Variants in ATP10B observed in about 807,000 individuals in gnomAD.
ATP10B encodes phospholipid-transporting ATPase VB.
A neutral mutation model predicts 141.2 loss-of-function variants in ATP10B; 122 were observed. The ratio of observed to expected loss-of-function variants is 0.86; its 90% CI spans 0.75 to 1.00. The LOEUF (loss-of-function observed/expected upper bound fraction) is 1.00, where lower values mean the gene tolerates loss of function less well. Among genes scored for constraint, ATP10B ranks in the 50% least tolerant of loss-of-function variants. The pLI, the probability that ATP10B is intolerant of heterozygous loss-of-function variation, is 0.00. For synonymous variants in ATP10B, 685 were observed against 692.0 expected (o/e 0.99, Z 0.16); for missense variants, 1,876 against 1,825.3 (o/e 1.03, Z -0.51).
intron 1 of ATP10B, among the ~76,000 whole-genome samples, chr5:160,814,948 C>T (rs1773490241): frequency 6.6e-6 from 1 of 152,118 alleles, no homozygotes; most frequent in Admixed American, 6.5e-5. Flanking sequence ...GAGATTTTGT[C>T]ACCGCCAGGC....
intron 2 of ATP10B, among the ~76,000 whole-genome samples, chr5:160,727,716 C>A (rs1766455857): frequency 6.6e-6 from 1 of 152,044 alleles, no homozygotes; most frequent in Non-Finnish European, 1.5e-5. Flanking sequence ...TAAAAAAAAT[C>A]TCAGGATCCC....
At chr5:160,789,841 G>A (rs1385955633) in intron 1 of ATP10B, among the ~76,000 whole-genome samples, 1 of 152,068 alleles carries the variant, frequency 6.6e-6, no homozygotes, top group Non-Finnish European at 1.5e-5. Flanking sequence ...TTGGGGATGG[G>A]GAACCAAAGG....
At chr5:160,804,339 G>T (rs1020580249) in intron 1 of ATP10B, among the ~76,000 whole-genome samples, 1 of 152,150 alleles carries the variant, frequency 6.6e-6, no homozygotes. Context: ...GTACTGTTTT[G>T]TTCATCATTT....
intron 1 of ATP10B, among the ~76,000 whole-genome samples, chr5:160,792,028 C>T (rs976246088): frequency 5.9e-5 from 9 of 152,106 alleles, no homozygotes; most frequent in African/African-American, 9.7e-5. Context: ...TTCCAGTCTA[C>T]CTTAGTCCTA....
At chr5:160,907,187 A>C in the ATP10B span, among the ~76,000 whole-genome samples, 1 of 152,104 alleles carries the variant, frequency 6.6e-6, no homozygotes, top group Non-Finnish European at 1.5e-5. Flanking sequence ...TTCGGCCTTC[A>C]TGCAGGTTCA....
At chr5:160,914,166 G>T in the ATP10B span, among the ~76,000 whole-genome samples, 1 of 152,078 alleles carries the variant, frequency 6.6e-6, no homozygotes, top group East Asian at 1.9e-4. Flanking sequence ...AATTGAACAG[G>T]TTTTTTTATG....
chr5:160,567,832 C>A (rs1754635349), intron 25 of ATP10B, among the ~76,000 whole-genome samples: 1 of 151,988 alleles, frequency 6.6e-6, no homozygotes, highest in African/African-American at 2.4e-5. Context: ...ACACTTTGAG[C>A]CAATGATAAT....
the ATP10B span, among the ~76,000 whole-genome samples, chr5:160,923,149 C>T: frequency 2.6e-5 from 4 of 152,214 alleles, no homozygotes. Context: ...GATCGGAAGG[C>T]TGGCAAGCAA....
chr5:160,847,823 C>T (rs953454643), intron 1 of ATP10B, among the ~76,000 whole-genome samples: 3 of 152,132 alleles, frequency 2.0e-5, no homozygotes, highest in African/African-American at 7.2e-5. Context: ...CTCATGGAAA[C>T]CATTGTCCTC....
chr5:160,668,873 A>G (rs80236135), intron 7 of ATP10B, among the ~76,000 whole-genome samples: 2,092 of 152,346 alleles, frequency 0.014, 47 homozygotes, highest in African/African-American at 0.048. Flanking sequence ...TCAATCACAC[A>G]AAAAGGGTTT....
In ATP10B at chr5:160,722,571, G is replaced by T. The variant is rs77224823; in HGVS notation, c.-330-5537C>A. ...TCAAAACACAGGGAAAAAGATTCAG[G>T]GATTAAAAAAAAAATAAGGCACAGA... is the stretch of plus-strand genomic sequence containing the variant. On this transcript the variant is annotated intron_variant, in intron 2 of 25. Transcript: ENST00000327245. 2.6e-5 allele frequency among the ~76,000 whole-genome samples: 4 copies of T among 151,696 alleles called. No individual in the cohort carries two copies. The East Asian group carries it at 7.7e-4, about 29-fold the overall frequency.
At chr5:160,792,680 C>G (rs1771666229) in intron 1 of ATP10B, among the ~76,000 whole-genome samples, 1 of 152,164 alleles carries the variant, frequency 6.6e-6, no homozygotes, top group African/African-American at 2.4e-5. Flanking sequence ...TCTACTTGCC[C>G]TAGATTGCCT....
chr5:160,660,305 C>T (rs575197124), intron 7 of ATP10B, among the ~76,000 whole-genome samples: 3 of 152,212 alleles, frequency 2.0e-5, no homozygotes, highest in African/African-American at 7.2e-5. Flanking sequence ...TACCAAAGAC[C>T]ACTAACGTTA....
Position 160,845,645 on chromosome 5 carries a change from T to C in ATP10B, c.-576+6296A>G, listed in dbSNP as rs182489967. Among the ~76,000 whole-genome samples, 223 of 152,306 alleles carry C rather than the reference T, an allele frequency of 1.5e-3. 1 individual carries two copies. Among genetic ancestry groups the C allele is most frequent in the Non-Finnish European group, 1.6e-3 (106 of 68,022 alleles). ...ACAACAAAATGTAAGAAATCACACCTGAAAGCGTAGAGCCCCCTGTGATAC... is the reference window on the plus strand; with the variant it reads ...ACAACAAAATGTAAGAAATCACACCCGAAAGCGTAGAGCCCCCTGTGATAC... On this transcript the variant is annotated intron_variant, in intron 1 of 25. Transcript: ENST00000327245.
At chr5:160,870,697 A>G in the ATP10B span, among the ~76,000 whole-genome samples, 6 of 152,198 alleles carry the variant, frequency 3.9e-5, no homozygotes, top group East Asian at 1.2e-3. Context: ...AATGTCAGAC[A>G]CAAAGCCAGA....
the ATP10B span, among the ~76,000 whole-genome samples, chr5:160,896,634 AT>A: frequency 6.6e-6 from 1 of 151,930 alleles, no homozygotes; most frequent in Non-Finnish European, 1.5e-5. Context: ...AGCTGGTACC[AT>A]TTTTTTTCTG....
intron 1 of ATP10B, among the ~76,000 whole-genome samples, chr5:160,797,827 A>G (rs535538144): frequency 6.6e-6 from 1 of 151,994 alleles, no homozygotes; most frequent in Non-Finnish European, 1.5e-5. Context: ...ATGGTGACAC[A>G]TGCCTGTCAT....
At chr5:160,685,319 TAA>T in intron 6 of ATP10B, 1 of 578,076 alleles carries the variant, frequency 1.7e-6, no homozygotes, top group Non-Finnish European at 3.0e-6. Flanking sequence ...AGAAGGATAC[TAA>T]AAATGAAAAG....
At position 160,577,130 on chromosome 5, in the gene ATP10B, G is replaced by A. The variant is rs116268267; in HGVS notation, c.3751-7447C>T. Among the ~76,000 whole-genome samples the A allele has an allele frequency of 4.4e-3, 665 of 152,314 alleles. 4 individuals are homozygous for A. Among genetic ancestry groups the A allele is most frequent in the African/African-American group, 0.014 (568 of 41,570 alleles). On this transcript the variant is annotated intron_variant, in intron 24 of 25. Transcript: ENST00000327245. ...TACATTTTCAACTGCAAGTGACAGT[G>A]TGCCTGACAGCAGCTTAATCAAAGA...
Sources: allele counts gnomAD v4.1 joint callset (sites outside exome capture counted in the v4.1 genomes callset), GRCh38; gene constraint gnomAD v4.1.1; transcripts MANE v1.5; gene names NCBI Gene and HGNC (gene_info 2026-07-23, HGNC 2026-07-21).